The following MOSMO variants were observed in gnomAD, a reference collection of about 807,000 sequenced individuals.
The protein encoded by MOSMO is modulator of smoothened protein.
Under a neutral mutation model 18.4 loss-of-function variants are expected in MOSMO, and 5 were observed. The observed-to-expected ratio is 0.27, with a 90% CI of 0.14 to 0.57. The LOEUF is 0.57. Ranked by LOEUF, MOSMO falls within the 20% of genes least tolerant of loss-of-function variation. MOSMO has a pLI of 0.92. For synonymous variants in MOSMO, 82 were observed against 82.3 expected (o/e 1.00, Z 0.02); for missense variants, 138 against 211.8 (o/e 0.65, Z 2.16).
At chr16:22,048,780 G>T (rs1354870097) in intron 1 of MOSMO, among the ~76,000 whole-genome samples, 1 of 151,788 alleles carries the variant, frequency 6.6e-6, no homozygotes, top group African/African-American at 2.4e-5. Flanking sequence ...TGGGTTCAGG[G>T]TTTTCTTTCT....
chr16:22,032,438 C>T (rs1333551807), intron 1 of MOSMO, among the ~76,000 whole-genome samples: 3 of 152,110 alleles, frequency 2.0e-5, no homozygotes, highest in Non-Finnish European at 2.9e-5. Context: ...GTGATCCACT[C>T]GCCTTGGCCT....
chr16:22,080,844 A>T lies in MOSMO; in HGVS notation c.468A>T (p.Gly156=). 1 of 1,428,068 alleles carries T rather than the reference A, an allele frequency of 7.0e-7. No homozygotes were observed. Among genetic ancestry groups the T allele is most frequent in the Non-Finnish European group, 9.1e-7 (1 of 1,094,036 alleles). The allele number at this position is 1,428,068 out of a possible 1,614,324, so 88.5% of individuals were successfully genotyped here. The part of the protein sequence containing the change: ...FVLSIFFTIV[G]LLFAGKVCLP... Reference sequence around the variant, plus strand: ...TATCAATTTTCTTTACAATAGTAGGACTTCTATTTGCTGGCAAAGTTTGTT... The same window carrying T: ...TATCAATTTTCTTTACAATAGTAGGTCTTCTATTTGCTGGCAAAGTTTGTT... Residue 156 remains glycine, a synonymous_variant, in exon 3 of 3, where the codon GGA becomes GGT. Coordinates refer to ENST00000542527, the MANE Select transcript of MOSMO (RefSeq NM_001164579.2).
chr16:22,063,990 G>A (rs920924256), intron 1 of MOSMO, among the ~76,000 whole-genome samples: 1 of 152,194 alleles, frequency 6.6e-6, no homozygotes, highest in Non-Finnish European at 1.5e-5. Context: ...TCTCAGCGCT[G>A]CTAATTAACT....
At chr16:22,067,598 G>A (rs901192391) in intron 1 of MOSMO, among the ~76,000 whole-genome samples, 1 of 152,164 alleles carries the variant, frequency 6.6e-6, no homozygotes, top group Non-Finnish European at 1.5e-5. Context: ...GGTGGCTCAC[G>A]CCTGTAATCC....
At chr16:22,071,594 C>A (rs1243696247) in intron 1 of MOSMO, among the ~76,000 whole-genome samples, 2 of 152,204 alleles carry the variant, frequency 1.3e-5, no homozygotes, top group African/African-American at 2.4e-5. Flanking sequence ...AAGATGCCCC[C>A]ACTTAATGGA....
At chr16:22,053,251 C>CCG (rs1484122495) in intron 1 of MOSMO, among the ~76,000 whole-genome samples, 2 of 151,908 alleles carry the variant, frequency 1.3e-5, no homozygotes, top group Non-Finnish European at 2.9e-5. Flanking sequence ...GCATGAGCCA[C>CCG]CGCACACCCA....
intron 1 of MOSMO, among the ~76,000 whole-genome samples, chr16:22,073,724 T>C (rs928696912): frequency 6.6e-6 from 1 of 151,596 alleles, no homozygotes; most frequent in Admixed American, 6.6e-5. Context: ...CTGATTTACT[T>C]CTCTTTGGCC....
chr16:22,089,279 A>G (rs1901247474), downstream of MOSMO, among the ~76,000 whole-genome samples: 1 of 152,130 alleles, frequency 6.6e-6, no homozygotes, highest in Non-Finnish European at 1.5e-5. Context: ...TGTTGCCCAG[A>G]CTGGTCCTGA....
Position 22,027,600 on chromosome 16 carries a change from G to A in MOSMO, c.106+19193G>A, listed in dbSNP as rs1380792220. Among the ~76,000 whole-genome samples the A allele has an allele frequency of 3.9e-5, 6 of 152,086 alleles. No homozygotes were observed. In the East Asian group the frequency reaches 9.6e-4, roughly 24 times the overall value. ...TTATTATTTATCCTTCTTCCTCTCC[G>A]TTTTCTCCTCCAGATTTATGAGTGA... On this transcript the variant is annotated intron_variant, in intron 1 of 2. Transcript: ENST00000542527.
intron 1 of MOSMO, among the ~76,000 whole-genome samples, chr16:22,015,672 G>C (rs1375659948): frequency 6.6e-6 from 1 of 152,136 alleles, no homozygotes; most frequent in Non-Finnish European, 1.5e-5. Context: ...ATGATACTGT[G>C]AATTCCCAGA....
At position 22,017,078 on chromosome 16, in the gene MOSMO, C is replaced by T. The variant is rs1342229592; in HGVS notation, c.106+8671C>T. Among the ~76,000 whole-genome samples, 4 of 152,122 alleles carry T rather than the reference C, an allele frequency of 2.6e-5. No homozygotes were observed. In the East Asian group the frequency reaches 7.7e-4, roughly 29 times the overall value. On this transcript the variant is annotated intron_variant, in intron 1 of 2. Coordinates refer to ENST00000542527, the MANE Select transcript of MOSMO (RefSeq NM_001164579.2). ...GAATAAATTTTTTTCTAGTTACTAG[C>T]TTCTGTAATGCAACTGTGAGTTCAT...
At chr16:22,033,752 G>A (rs555356968) in intron 1 of MOSMO, among the ~76,000 whole-genome samples, 102 of 151,916 alleles carry the variant, frequency 6.7e-4, no homozygotes, top group South Asian at 4.4e-3. Flanking sequence ...CCCAGGAGGC[G>A]GAGCTTGCAG....
At chr16:22,023,952 G>GGTATT (rs1332721190) in intron 1 of MOSMO, among the ~76,000 whole-genome samples, 1 of 139,688 alleles carries the variant, frequency 7.2e-6, no homozygotes, top group Non-Finnish European at 1.5e-5. Flanking sequence ...CTTTGTTGAT[G>GGTATT]GTATTCTTGT....
intron 1 of MOSMO, among the ~76,000 whole-genome samples, chr16:22,045,608 T>C (rs185552268): frequency 3.2e-4 from 48 of 152,362 alleles, no homozygotes; most frequent in Admixed American, 1.0e-3. Context: ...TTGCATAGCA[T>C]ATTTCATTTA....
intron 1 of MOSMO, among the ~76,000 whole-genome samples, chr16:22,038,534 C>T (rs909243129): frequency 6.6e-6 from 1 of 151,914 alleles, no homozygotes; most frequent in Admixed American, 6.6e-5. Context: ...GAAGTGAGGA[C>T]CAATGAAGAT....
Position 22,026,918 on chromosome 16 carries a change from G to GT in MOSMO, c.106+18519dup, listed in dbSNP as rs566491814. On this transcript the variant is annotated intron_variant, in intron 1 of 2. Coordinates refer to ENST00000542527, the MANE Select transcript of MOSMO (RefSeq NM_001164579.2). ...TAAAGTATTCGTGTAGCAAGTCTCTGTTTTTTTTAAATTACAGTGTTTGAA... is the reference window on the plus strand; with the variant it reads ...TAAAGTATTCGTGTAGCAAGTCTCTGTTTTTTTTTAAATTACAGTGTTTGAA... 1.6e-3 allele frequency among the ~76,000 whole-genome samples: 238 copies of GT among 150,396 alleles called. 2 individuals carry two copies. Among genetic ancestry groups the GT allele is most frequent in the African/African-American group, 5.5e-3 (227 of 41,402 alleles).
chr16:22,045,892 T>TA (rs397756778), intron 1 of MOSMO, among the ~76,000 whole-genome samples: 3 of 151,988 alleles, frequency 2.0e-5, no homozygotes, highest in African/African-American at 4.8e-5. Context: ...TTTTTTTTTT[T>TA]ATACTTTAAG....
At chr16:22,077,702 G>A (rs771160555) in intron 2 of MOSMO, among the ~76,000 whole-genome samples, 2 of 151,880 alleles carry the variant, frequency 1.3e-5, no homozygotes, top group Non-Finnish European at 2.9e-5. Flanking sequence ...CCCATATCCC[G>A]TGACAGCCCC....
At chr16:22,028,850 G>T (rs1435554594) in intron 1 of MOSMO, among the ~76,000 whole-genome samples, 1 of 151,974 alleles carries the variant, frequency 6.6e-6, no homozygotes, top group Non-Finnish European at 1.5e-5. Context: ...ATTATTTCCT[G>T]TACCCACTGC....
Sources: allele counts gnomAD v4.1 joint callset (sites outside exome capture counted in the v4.1 genomes callset), GRCh38; gene constraint gnomAD v4.1.1; transcripts MANE v1.5; gene names NCBI Gene and HGNC (gene_info 2026-07-23, HGNC 2026-07-21).